The following ZNF16 variants were observed in gnomAD, a reference collection of about 807,000 sequenced individuals.
The protein encoded by ZNF16 is zinc finger protein 16.
A neutral mutation model predicts 9.0 loss-of-function variants in ZNF16; 7 were observed. That is an observed-to-expected ratio of 0.78 (90% CI 0.44 to 1.47). The LOEUF (loss-of-function observed/expected upper bound fraction) is 1.47, where lower values mean the gene tolerates loss of function less well. Among genes scored for constraint, ZNF16 ranks in the 40% most tolerant of loss-of-function variants. The pLI is 0.01. For missense variants in ZNF16, 830 were observed against 854.2 expected, an observed-to-expected ratio of 0.97 and a Z score of 0.35; for synonymous variants, 312 against 301.5, an observed-to-expected ratio of 1.03 and a Z score of -0.36.
chr8:144,947,626 G>T (rs969414354), intron 1 of ZNF16, among the ~76,000 whole-genome samples: 2 of 152,264 alleles, frequency 1.3e-5, no homozygotes, highest in African/African-American at 4.8e-5. Context: ...CCCACAGCAG[G>T]TGTTCCCATC....
intron 1 of ZNF16, among the ~76,000 whole-genome samples, 187 bp from the exon 2 acceptor site, chr8:144,946,402 T>A (rs1325362028): frequency 6.6e-6 from 1 of 152,102 alleles, no homozygotes; most frequent in Non-Finnish European, 1.5e-5. Context: ...GAGTCAGCCA[T>A]GGAGACACAG....
intron 2 of ZNF16, among the ~76,000 whole-genome samples, chr8:144,936,041 C>T (rs1038882380): frequency 6.6e-6 from 1 of 152,198 alleles, no homozygotes; most frequent in African/African-American, 2.4e-5. Context: ...TCCCATCACT[C>T]CAAAGTAAAA....
In ZNF16 at chr8:144,932,705, T is replaced by C; in HGVS notation, c.197-115A>G. The C allele has an allele frequency of 1.8e-6, 2 of 1,126,014 alleles. No individual in the cohort carries two copies. The highest frequency in any genetic ancestry group is 2.5e-6 in the Non-Finnish European group (2 of 792,400). 69.8% of individuals were successfully genotyped at this position (1,126,014 alleles called of 1,614,324 possible). A position where few individuals can be genotyped will look rare whatever the true frequency, so the allele number is the denominator to read the frequency against. ...AGGAGGCAAGGGGAGCAGGGGATCC[T>C]CTGGGGTGGCAGTCCAGATCAGAGG... On this transcript the variant is annotated intron_variant, in intron 2 of 2. Coordinates refer to ENST00000394909, the MANE Select transcript of ZNF16 (RefSeq NM_006958.3). The surrounding 1 kb of genome is among the most constrained non-coding windows in gnomAD (Gnocchi z 5.0).
intron 2 of ZNF16, among the ~76,000 whole-genome samples, chr8:144,942,605 C>T (rs1236956142): frequency 6.6e-6 from 1 of 152,128 alleles, no homozygotes; most frequent in Non-Finnish European, 1.5e-5. Context: ...AAGATATTTT[C>T]TTACTGATTA....
intron 2 of ZNF16, among the ~76,000 whole-genome samples, chr8:144,941,667 ATT>A (rs113061574): frequency 7.0e-5 from 10 of 142,224 alleles, no homozygotes; most frequent in African/African-American, 2.5e-4. Flanking sequence ...TCTTGTGTCC[ATT>A]TTTTTTTTTT....
Position 144,950,017 on chromosome 8 carries a change from C to T in ZNF16, c.-10+780G>A, listed in dbSNP as rs183353427. On this transcript the variant is annotated intron_variant, in intron 1 of 2. Coordinates refer to ENST00000394909, the MANE Select transcript of ZNF16 (RefSeq NM_006958.3). ...ATTGTACATTTGTTCAATTCTGAGACAGGAGAAAAACTGCCCTATGGTGAG... is the reference window on the plus strand; with the variant it reads ...ATTGTACATTTGTTCAATTCTGAGATAGGAGAAAAACTGCCCTATGGTGAG... 7.1e-3 allele frequency among the ~76,000 whole-genome samples: 1,084 copies of T among 152,072 alleles called. 16 individuals carry two copies. The highest frequency in any genetic ancestry group is 0.022 in the African/African-American group (893 of 41,328).
chr8:144,939,696 ATTTTCTACCTATGCTTG>A (rs1833759906), intron 2 of ZNF16, among the ~76,000 whole-genome samples: 1 of 144,824 alleles, frequency 6.9e-6, no homozygotes, highest in African/African-American at 2.5e-5. Flanking sequence ...GTCTGTTCTG[ATTTTCTACCTATGCTTG>A]AGTCAGTTTT....
At chr8:144,938,371 T>C (rs916167357) in intron 2 of ZNF16, among the ~76,000 whole-genome samples, 6 of 152,266 alleles carry the variant, frequency 3.9e-5, no homozygotes, top group South Asian at 2.1e-4. Context: ...ATGATTAATA[T>C]TGTCTTCCAA....
intron 1 of ZNF16, among the ~76,000 whole-genome samples, chr8:144,949,746 T>A (rs1055794290): frequency 3.2e-4 from 49 of 152,274 alleles, no homozygotes; most frequent in African/African-American, 1.1e-3. Context: ...GGCACAATGC[T>A]CTGCGATAAG....
intron 1 of ZNF16, among the ~76,000 whole-genome samples, chr8:144,949,754 A>G (rs902675914): frequency 6.6e-6 from 1 of 152,234 alleles, no homozygotes; most frequent in Non-Finnish European, 1.5e-5. Flanking sequence ...GCTCTGCGAT[A>G]AGCCACAGGG....
intron 1 of ZNF16, among the ~76,000 whole-genome samples, chr8:144,950,134 A>ATG (rs1563927925): frequency 5.3e-5 from 8 of 151,722 alleles, no homozygotes; most frequent in East Asian, 3.9e-4. Flanking sequence ...CTACGTGCCC[A>ATG]TCCAGGCATA....
chr8:144,950,086 T>C (rs1182940618), intron 1 of ZNF16, among the ~76,000 whole-genome samples: 1 of 152,178 alleles, frequency 6.6e-6, no homozygotes, highest in Admixed American at 6.5e-5. Context: ...TATTCTTTAC[T>C]CCACTGAGAT....
intron 1 of ZNF16, among the ~76,000 whole-genome samples, chr8:144,949,097 T>C (rs1231009614): frequency 6.6e-6 from 1 of 152,252 alleles, no homozygotes; most frequent in African/African-American, 2.4e-5. Flanking sequence ...AAGTGGAGTC[T>C]CCTGGCTAGA....
intron 2 of ZNF16, among the ~76,000 whole-genome samples, chr8:144,939,320 T>C (rs1833750168): frequency 1.3e-5 from 2 of 152,110 alleles, no homozygotes; most frequent in South Asian, 2.1e-4. Flanking sequence ...TTAAATCCAT[T>C]GTGGGCCAGG....
intron 1 of ZNF16, 183 bp downstream of exon 1, chr8:144,950,614 A>C (rs1834090151): frequency 6.7e-6 from 1 of 149,534 alleles, no homozygotes; most frequent in Non-Finnish European, 1.5e-5. Context: ...GCCCAGGCCG[A>C]GCTGCCCCCG....
intron 2 of ZNF16, among the ~76,000 whole-genome samples, chr8:144,943,067 G>A (rs1833842104): frequency 6.6e-6 from 1 of 152,078 alleles, no homozygotes. Context: ...TTATCTACCT[G>A]GATATGTTTT....
chr8:144,937,012 T>C (rs1833696922), intron 2 of ZNF16, among the ~76,000 whole-genome samples: 1 of 151,970 alleles, frequency 6.6e-6, no homozygotes. Context: ...ATTTTTAAAT[T>C]GGGTTGCTTG....
chr8:144,950,025 A>G (rs1834061341), intron 1 of ZNF16, among the ~76,000 whole-genome samples: 1 of 152,346 alleles, frequency 6.6e-6, no homozygotes, highest in African/African-American at 2.4e-5. Context: ...GACAGGAGAA[A>G]AACTGCCCTA....
rs571257784 is a variant in ZNF16 at position 144,931,489 on chromosome 8, T to C, written c.1298A>G (p.Tyr433Cys). The C allele has an allele frequency of 1.7e-5, 27 of 1,614,190 alleles. No individual in the cohort carries two copies. The highest frequency in any genetic ancestry group is 1.5e-4 in the South Asian group (14 of 91,090). The stretch of plus-strand genomic sequence containing the variant: ...TGCTTTCCCACAGTCACTGCACTTA[T>C]AGGGCTTCTCTCCAGTGTGAACCCT... ...HHRVHTGEKP[Y>C]KCSDCGKAFS... The change falls in exon 3 of 3, where the codon TAT (tyrosine) becomes TGT (cysteine). Residue 433 changes from tyrosine to cysteine, a missense_variant. By Grantham distance (194) the Tyr-to-Cys change is radical. Coordinates refer to ENST00000394909, the MANE Select transcript of ZNF16 (RefSeq NM_006958.3).
Sources: allele counts gnomAD v4.1 joint callset (sites outside exome capture counted in the v4.1 genomes callset), GRCh38; gene constraint gnomAD v4.1.1; non-coding constraint Gnocchi (gnomAD v3.1); transcripts MANE v1.5; gene names NCBI Gene and HGNC (gene_info 2026-07-23, HGNC 2026-07-21).